Variants in PAN3 observed in about 807,000 individuals in gnomAD.
PAN3 encodes poly(A) specific ribonuclease subunit PAN3.
In PAN3, 19 loss-of-function variants were observed where a neutral mutation model predicts 96.2. The observed-to-expected ratio is 0.20, with a 90% CI of 0.14 to 0.29. The LOEUF is 0.29. PAN3 is among the 10% of genes least tolerant of loss of function. PAN3 has a pLI of 1.00. For synonymous variants in PAN3, 433 were observed against 406.6 expected, an observed-to-expected ratio of 1.06 and a Z score of -0.78; for missense variants, 882 against 1,108.1, an observed-to-expected ratio of 0.80 and a Z score of 2.90.
intron 4 of PAN3, 92 bp from the exon 5 acceptor site, chr13:28,197,093 G>A (rs796460729): frequency 2.7e-5 from 37 of 1,389,758 alleles, no homozygotes; most frequent in East Asian, 2.0e-4. Context: ...CTATCCCACC[G>A]TTCCCAGTAT....
At chr13:28,194,360 G>A (rs1394638534) in intron 4 of PAN3, among the ~76,000 whole-genome samples, 1 of 149,396 alleles carries the variant, frequency 6.7e-6, no homozygotes. Context: ...ATAGAACAAG[G>A]TTAATTTTAG....
At chr13:28,238,986 A>G (rs1369150612) in intron 6 of PAN3, among the ~76,000 whole-genome samples, 2 of 152,120 alleles carry the variant, frequency 1.3e-5, no homozygotes, top group Non-Finnish European at 2.9e-5. Context: ...TACTCTTTTC[A>G]ATCTTTTGAT....
intron 17 of PAN3, among the ~76,000 whole-genome samples, chr13:28,282,879 T>G (rs1278954539): frequency 3.4e-5 from 5 of 148,974 alleles, no homozygotes; most frequent in African/African-American, 1.0e-4. Context: ...TTCCTTGGTT[T>G]GTTTATTTAT....
chr13:28,229,237 C>T (rs1167686038), intron 6 of PAN3, among the ~76,000 whole-genome samples: 1 of 152,180 alleles, frequency 6.6e-6, no homozygotes, highest in African/African-American at 2.4e-5. Flanking sequence ...TTCTCATTTG[C>T]ATCTTTTGTA....
At chr13:28,177,020 A>G (rs1171475063) in intron 3 of PAN3, among the ~76,000 whole-genome samples, 2 of 152,158 alleles carry the variant, frequency 1.3e-5, no homozygotes, top group Non-Finnish European at 2.9e-5. Context: ...AGCAGTCTAT[A>G]TGTACTACAT....
rs189958678 is a variant in PAN3 at position 28,215,269 on chromosome 13, G to A, written c.853-4962G>A. 1.2e-4 allele frequency: 86 copies of A among 709,082 alleles called. 2 individuals carry two copies. The South Asian group carries it at 1.3e-3, about 11-fold the overall frequency. The allele number at this position is 709,082 out of a possible 1,614,324, so 43.9% of individuals were successfully genotyped here. A position where few individuals can be genotyped will look rare whatever the true frequency, so the allele number is the denominator to read the frequency against. ...AAGTCCTTGCACCAGCCTCTCCAGG[G>A]TGTCTACAAAATTGGTGGTATTGGT... On this transcript the variant is annotated intron_variant, in intron 5 of 18. Coordinates refer to ENST00000380958, the MANE Select transcript of PAN3 (RefSeq NM_175854.8).
At chr13:28,270,477 G>C (rs1886518627) in intron 12 of PAN3, among the ~76,000 whole-genome samples, 1 of 152,178 alleles carries the variant, frequency 6.6e-6, no homozygotes, top group South Asian at 2.1e-4. Context: ...GAGCATTTCA[G>C]TGAGAGCCCT....
chr13:28,210,032 C>T (rs1420693953), intron 5 of PAN3, among the ~76,000 whole-genome samples: 2 of 152,114 alleles, frequency 1.3e-5, no homozygotes, highest in African/African-American at 2.4e-5. Context: ...GATCCTCCAC[C>T]CTTGGCCTCC....
intron 1 of PAN3, among the ~76,000 whole-genome samples, chr13:28,153,932 C>T (rs976237243): frequency 6.6e-6 from 1 of 152,052 alleles, no homozygotes; most frequent in Non-Finnish European, 1.5e-5. Flanking sequence ...AATTTCTAGC[C>T]GCATTACTAG....
chr13:28,264,481 G>A (rs1885997846), intron 9 of PAN3, among the ~76,000 whole-genome samples: 1 of 152,124 alleles, frequency 6.6e-6, no homozygotes, highest in Non-Finnish European at 1.5e-5. Flanking sequence ...GGAGGTTGCA[G>A]TGAGATTGTG....
At chr13:28,286,659 C>T (rs1869008692) in intron 17 of PAN3, among the ~76,000 whole-genome samples, 1 of 152,188 alleles carries the variant, frequency 6.6e-6, no homozygotes, top group Non-Finnish European at 1.5e-5. Context: ...TCATGATTAT[C>T]TCTTGTTCAC....
At chr13:28,163,023 A>T (rs537737217) in intron 1 of PAN3, among the ~76,000 whole-genome samples, 3 of 152,054 alleles carry the variant, frequency 2.0e-5, no homozygotes, top group Non-Finnish European at 4.4e-5. Flanking sequence ...TGGGAGGCCA[A>T]TGCAGGAGGA....
intron 1 of PAN3, among the ~76,000 whole-genome samples, chr13:28,165,882 T>C (rs1873476314): frequency 6.6e-6 from 1 of 151,870 alleles, no homozygotes; most frequent in South Asian, 2.1e-4. Flanking sequence ...GGGTGCTAAT[T>C]CCATTAGCAT....
intron 3 of PAN3, among the ~76,000 whole-genome samples, chr13:28,177,270 A>G (rs1165274402): frequency 6.6e-6 from 1 of 152,204 alleles, no homozygotes; most frequent in Non-Finnish European, 1.5e-5. Flanking sequence ...TGAACCTACA[A>G]AATCTTTGGA....
intron 5 of PAN3, among the ~76,000 whole-genome samples, chr13:28,212,097 T>C (rs1170337710): frequency 6.6e-6 from 1 of 152,222 alleles, no homozygotes; most frequent in Admixed American, 6.5e-5. Context: ...AGGATGTGAA[T>C]GAAGAGGCTA....
chr13:28,191,254 C>G (rs1478679544), intron 4 of PAN3, among the ~76,000 whole-genome samples: 1 of 152,160 alleles, frequency 6.6e-6, no homozygotes, highest in Non-Finnish European at 1.5e-5. Context: ...CCCTTAGCAC[C>G]TGCTTCCAGT....
chr13:28,141,100 T>C (rs1355175124), intron 1 of PAN3, among the ~76,000 whole-genome samples: 1 of 148,512 alleles, frequency 6.7e-6, no homozygotes, highest in African/African-American at 2.5e-5. Context: ...ACCTCCCAGG[T>C]TCAAGCAATT....
At chr13:28,267,684 G>A (rs1053188314) in intron 12 of PAN3, among the ~76,000 whole-genome samples, 1 of 152,142 alleles carries the variant, frequency 6.6e-6, no homozygotes, top group Non-Finnish European at 1.5e-5. Context: ...CGGCAGACAA[G>A]AGAAGTGAAT....
Position 28,294,569 on chromosome 13 carries a change from T to C in PAN3, c.*2047T>C, listed in dbSNP as rs1352104667. 6.6e-6 allele frequency: 1 copy of C among 152,632 alleles called. No individual in the cohort carries two copies. The highest frequency in any genetic ancestry group is 1.5e-5 in the Non-Finnish European group (1 of 68,046). The allele number at this position is 152,632 out of a possible 1,614,324, so 9.5% of individuals were successfully genotyped here. Reference sequence around the variant, plus strand: ...TTTGAAAATTTAATTTGTGGACCAATGTTTTGTGAAAGCTAAAGAGGGCAG... The same window carrying C: ...TTTGAAAATTTAATTTGTGGACCAACGTTTTGTGAAAGCTAAAGAGGGCAG... On this transcript the variant is annotated 3_prime_UTR_variant, in exon 19 of 19. Coordinates refer to ENST00000380958, the MANE Select transcript of PAN3 (RefSeq NM_175854.8).
Sources: allele counts gnomAD v4.1 joint callset (sites outside exome capture counted in the v4.1 genomes callset), GRCh38; gene constraint gnomAD v4.1.1; transcripts MANE v1.5; gene names NCBI Gene and HGNC (gene_info 2026-07-23, HGNC 2026-07-21).